Variants in FARS2 observed in about 807,000 individuals in gnomAD.
FARS2 encodes phenylalanyl-tRNA synthetase 2, mitochondrial.
FARS2 carries 40 observed loss-of-function variants against 46.4 expected under a neutral mutation model. That is an observed-to-expected ratio of 0.86 (90% CI 0.67 to 1.12). The LOEUF is 1.12. Among genes scored for constraint, FARS2 ranks in the 50% most tolerant of loss-of-function variants. The pLI is 0.00. For missense variants in FARS2, 513 were observed against 567.9 expected (o/e 0.90, Z 0.98); for synonymous variants, 234 against 214.9 (o/e 1.09, Z -0.78).
At chr6:5,497,225 T>C (rs1360258180) in intron 4 of FARS2, among the ~76,000 whole-genome samples, 1 of 152,246 alleles carries the variant, frequency 6.6e-6, no homozygotes, top group Non-Finnish European at 1.5e-5. Context: ...ATCATTATAA[T>C]ATAAAAATGA....
At position 5,525,086 on chromosome 6, in the gene FARS2, CG is replaced by C. The variant is rs1323644732; in HGVS notation, c.905-20091del. 3.9e-5 allele frequency among the ~76,000 whole-genome samples: 6 copies of C among 152,002 alleles called. No individual in the cohort carries two copies. The South Asian group carries it at 8.3e-4, about 21-fold the overall frequency. On this transcript the variant is annotated intron_variant, in intron 4 of 6. Transcript: ENST00000274680. ...AAAAGGGTGGTGTTCCTTCTTTCCT[CG>C]GGCACTCGCTTTCCTCTGAAATTCC...
At chr6:5,337,033 T>C (rs1412948431) in intron 1 of FARS2, among the ~76,000 whole-genome samples, 1 of 151,856 alleles carries the variant, frequency 6.6e-6, no homozygotes, top group African/African-American at 2.4e-5. Flanking sequence ...CTGTATATTC[T>C]ATTTTGGCAC....
chr6:5,260,598 T>TGCCCGGGCCCCGGGCCCCCCCC, upstream of FARS2: 2 of 1,105,570 alleles, frequency 1.8e-6, no homozygotes, highest in Non-Finnish European at 2.6e-6. Context: ...GCACCCCCGG[T>TGCCCGGGCCCCGGGCCCCCCCC]CCCCGGCCCC....
intron 6 of FARS2, among the ~76,000 whole-genome samples, chr6:5,620,478 G>C (rs978145988): frequency 6.6e-6 from 1 of 152,212 alleles, no homozygotes; most frequent in Non-Finnish European, 1.5e-5. Flanking sequence ...TGTAGGACAA[G>C]CTGGACAAAT....
Position 5,343,187 on chromosome 6 carries a change from A to G in FARS2, c.-21-25363A>G, listed in dbSNP as rs542772278. 2.3e-3 allele frequency among the ~76,000 whole-genome samples: 345 copies of G among 152,302 alleles called. No individual in the cohort carries two copies. Among genetic ancestry groups the G allele is most frequent in the Non-Finnish European group, 3.2e-3 (217 of 68,014 alleles). On this transcript the variant is annotated intron_variant, in intron 1 of 6. Transcript: ENST00000274680. The surrounding 1 kb of genome is among the most constrained non-coding windows in gnomAD (Gnocchi z 4.5). ...ACAAAACTGTTGTTTATTACTGTAG[A>G]CAAAACTGTACATTTCATTTATTTA...
At position 5,311,154 on chromosome 6, in the gene FARS2, T is replaced by C. The variant is rs567155317; in HGVS notation, c.-22+49494T>C. On this transcript the variant is annotated intron_variant, in intron 1 of 6. Transcript: ENST00000274680. The surrounding 1 kb of genome is among the most constrained non-coding windows in gnomAD (Gnocchi z 4.1). ...ATCCAGGTGATGATATGGTTTGTAGTTGTTGCGAGTGAAGAGGATTTGTAT... is the reference window on the plus strand; with the variant it reads ...ATCCAGGTGATGATATGGTTTGTAGCTGTTGCGAGTGAAGAGGATTTGTAT... Among the ~76,000 whole-genome samples, 23 of 152,368 alleles carry C rather than the reference T, an allele frequency of 1.5e-4. No homozygotes were observed. In the South Asian group the frequency reaches 1.7e-3, roughly 11 times the overall value.
At chr6:5,714,110 T>C (rs1425702043) in intron 6 of FARS2, among the ~76,000 whole-genome samples, 1 of 152,192 alleles carries the variant, frequency 6.6e-6, no homozygotes, top group Non-Finnish European at 1.5e-5. Flanking sequence ...AGCTTTGCTT[T>C]CAGAGTGCCA....
intron 1 of FARS2, among the ~76,000 whole-genome samples, chr6:5,269,679 A>G (rs189069217): frequency 4.2e-4 from 64 of 152,322 alleles, no homozygotes; most frequent in Non-Finnish European, 8.1e-4. Flanking sequence ...TCTGTTTACA[A>G]AAAACAGCCT....
intron 3 of FARS2, among the ~76,000 whole-genome samples, chr6:5,405,295 T>C (rs894009935): frequency 2.0e-5 from 3 of 152,112 alleles, no homozygotes; most frequent in African/African-American, 7.2e-5. Context: ...GTACGAAATG[T>C]TTCACTTGTG....
rs1418723928 is a variant in FARS2 at position 5,392,206 on chromosome 6, A to G, written c.613-12336A>G. On this transcript the variant is annotated intron_variant, in intron 2 of 6. Transcript: ENST00000274680. Reference sequence around the variant, plus strand: ...GGGTCTTTACCTTTCTGAGTTTCCTATCCTTATATGGCATTGGTTAATGGA... The same window carrying G: ...GGGTCTTTACCTTTCTGAGTTTCCTGTCCTTATATGGCATTGGTTAATGGA... Among the ~76,000 whole-genome samples, 4 of 152,082 alleles carry G rather than the reference A, an allele frequency of 2.6e-5. No individual in the cohort carries two copies. In the East Asian group the frequency reaches 5.8e-4, roughly 22 times the overall value.
rs1469735875 is a variant in FARS2, at chr6:5,568,594, T to C, written c.1065+23254T>C. 2.0e-5 allele frequency among the ~76,000 whole-genome samples: 3 copies of C among 152,136 alleles called. No homozygotes were observed. In the South Asian group the frequency reaches 6.2e-4, roughly 32 times the overall value. Reference sequence around the variant, plus strand: ...GAAGGAGACAGAAGTGTGAGCAAAGTCCTGGAGGCGTGAGACAGCCATAGT... The same window carrying C: ...GAAGGAGACAGAAGTGTGAGCAAAGCCCTGGAGGCGTGAGACAGCCATAGT... On this transcript the variant is annotated intron_variant, in intron 5 of 6. Coordinates refer to ENST00000274680, the MANE Select transcript of FARS2 (RefSeq NM_006567.5).
intron 6 of FARS2, among the ~76,000 whole-genome samples, chr6:5,696,160 C>T (rs542676956): frequency 2.0e-5 from 3 of 152,300 alleles, no homozygotes; most frequent in African/African-American, 7.2e-5. Context: ...TGAAAATACA[C>T]ACTCTTTGAC....
chr6:5,478,073 C>A (rs1397541921), intron 4 of FARS2, among the ~76,000 whole-genome samples: 1 of 102,608 alleles, frequency 9.7e-6, no homozygotes, highest in Non-Finnish European at 1.9e-5. Context: ...CCGCCCCCAC[C>A]AACACACATA....
chr6:5,528,183 C>T lies in FARS2; in HGVS notation c.905-16997C>T, dbSNP rs568682913. On this transcript the variant is annotated intron_variant, in intron 4 of 6. Transcript: ENST00000274680. Reference sequence around the variant, plus strand: ...TTCCTTCTTGTTGGAAGATCTTTACCTTTTTTAAAATTTGTATTTAAAAAA... The same window carrying T: ...TTCCTTCTTGTTGGAAGATCTTTACTTTTTTTAAAATTTGTATTTAAAAAA... Among the ~76,000 whole-genome samples, 25 of 151,850 alleles carry T rather than the reference C, an allele frequency of 1.6e-4. No individual in the cohort carries two copies. In the East Asian group the frequency reaches 2.1e-3, roughly 13 times the overall value.
intron 1 of FARS2, among the ~76,000 whole-genome samples, chr6:5,333,985 C>T (rs1037770958): frequency 6.6e-6 from 1 of 152,194 alleles, no homozygotes; most frequent in Non-Finnish European, 1.5e-5. Flanking sequence ...CTCCAAGGGA[C>T]TTGATGCCTG....
chr6:5,642,910 C>A (rs1776893124), intron 6 of FARS2, among the ~76,000 whole-genome samples: 1 of 152,190 alleles, frequency 6.6e-6, no homozygotes, highest in South Asian at 2.1e-4. Context: ...GATCCTGATA[C>A]CCCAGTCCCC....
At position 5,404,681 on chromosome 6, in the gene FARS2, T is replaced by C. The variant is rs377582332; in HGVS notation, c.752T>C (p.Met251Thr). The change falls in exon 3 of 7, where the codon ATG becomes ACG. Residue 251 changes from methionine to threonine, a missense_variant. Physicochemically the swap from Met to Thr is moderately conservative, Grantham distance 81. Coordinates refer to ENST00000274680, the MANE Select transcript of FARS2 (RefSeq NM_006567.5). ...CTTAAGCAAACGCTTACCAGGCTCA[T>C]GGCACATCTTTTTGGAGATGGTAAG... ...FDLKQTLTRL[M>T]AHLFGDELEI... 2.4e-5 allele frequency: 38 copies of C among 1,598,300 alleles called. No homozygotes were observed. The highest frequency in any genetic ancestry group is 3.0e-5 in the Non-Finnish European group (35 of 1,171,760).
chr6:5,480,754 C>G (rs923969627), intron 4 of FARS2, among the ~76,000 whole-genome samples: 1 of 152,160 alleles, frequency 6.6e-6, no homozygotes, highest in Non-Finnish European at 1.5e-5. Flanking sequence ...GCAAAGCTAC[C>G]AAATAGGTGG....
At chr6:5,532,783 T>TAAGAAGAAGAAGAAGAAGAAGAAG (rs756604628) in intron 4 of FARS2, among the ~76,000 whole-genome samples, 11 of 138,668 alleles carry the variant, frequency 7.9e-5, no homozygotes, top group African/African-American at 3.4e-4. Context: ...ATAATAATAA[T>TAAGAAGAAGAAGAAGAAGAAGAAG]AAGAAGAAGA....
Sources: allele counts gnomAD v4.1 joint callset (sites outside exome capture counted in the v4.1 genomes callset), GRCh38; gene constraint gnomAD v4.1.1; non-coding constraint Gnocchi (gnomAD v3.1); transcripts MANE v1.5; gene names NCBI Gene and HGNC (gene_info 2026-07-23, HGNC 2026-07-21).